Variants in HERC4 observed in about 807,000 individuals in gnomAD.
HERC4 encodes probable E3 ubiquitin-protein ligase HERC4.
HERC4 carries 28 observed loss-of-function variants against 124.3 expected under a neutral mutation model. The observed-to-expected ratio is 0.23, with a 90% CI of 0.17 to 0.31. The LOEUF is 0.31. Ranked by LOEUF, HERC4 falls within the 10% of genes least tolerant of loss-of-function variation. The probability of loss-of-function intolerance (pLI) is 1.00; values close to 1 mark genes in which losing one functional copy is unlikely to be tolerated. For synonymous variants in HERC4, 407 were observed against 421.5 expected (o/e 0.97, Z 0.42); for missense variants, 713 against 1,229.3 (o/e 0.58, Z 6.28).
At chr10:68,032,407 T>C (rs915355765) in intron 7 of HERC4, among the ~76,000 whole-genome samples, 1 of 152,208 alleles carries the variant, frequency 6.6e-6, no homozygotes, top group African/African-American at 2.4e-5. Flanking sequence ...GGAAACTACA[T>C]TCAAATTAGG....
intron 22 of HERC4, among the ~76,000 whole-genome samples, chr10:67,935,062 C>A (rs2032221042): frequency 6.6e-6 from 1 of 151,796 alleles, no homozygotes; most frequent in African/African-American, 2.4e-5. Context: ...GTCCTTCAAC[C>A]TGCATGGTTC....
chr10:68,051,601 C>T (rs1429432931), intron 3 of HERC4, among the ~76,000 whole-genome samples: 2 of 151,708 alleles, frequency 1.3e-5, no homozygotes, highest in African/African-American at 4.8e-5. Flanking sequence ...CCTCGTGATC[C>T]GCCCGCCTCG....
At chr10:68,008,812 T>C (rs1456087036) in intron 9 of HERC4, among the ~76,000 whole-genome samples, 2 of 152,200 alleles carry the variant, frequency 1.3e-5, no homozygotes, top group African/African-American at 4.8e-5. Context: ...AAACAAAATG[T>C]GGTATAAGCA....
chr10:67,980,123 T>A (rs1312704207), intron 15 of HERC4, among the ~76,000 whole-genome samples: 1 of 152,176 alleles, frequency 6.6e-6, no homozygotes, highest in African/African-American at 2.4e-5. Context: ...ATAAATACTT[T>A]TTTTTGAGAT....
chr10:67,946,849 T>A (rs112223359), intron 19 of HERC4, among the ~76,000 whole-genome samples: 3 of 151,946 alleles, frequency 2.0e-5, no homozygotes, highest in African/African-American at 7.3e-5. Context: ...AGATGTTGCA[T>A]TGAGTCAAGA....
intron 3 of HERC4, among the ~76,000 whole-genome samples, chr10:68,048,611 C>A (rs931246487): frequency 6.6e-6 from 1 of 152,096 alleles, no homozygotes; most frequent in Admixed American, 6.5e-5. Flanking sequence ...TGTTAAAATC[C>A]ATTTAATGTG....
intron 3 of HERC4, among the ~76,000 whole-genome samples, chr10:68,051,375 C>T (rs1421137797): frequency 6.4e-5 from 9 of 140,916 alleles, no homozygotes; most frequent in Admixed American, 1.5e-4. Flanking sequence ...GACAGAGTCT[C>T]GCTCTGTCGC....
In HERC4 at chr10:68,034,183, C is replaced by T; in HGVS notation, c.467G>A (p.Ser156Asn). The T allele has an allele frequency of 6.2e-7, 1 of 1,608,910 alleles. No homozygotes were observed. Among genetic ancestry groups the T allele is most frequent in the Non-Finnish European group, 8.5e-7 (1 of 1,176,056 alleles). The change falls in exon 6 of 25, where the codon AGT becomes AAT. Residue 156 changes from serine (S) to asparagine (N), a missense_variant. Physicochemically the swap from Ser to Asn is conservative, Grantham distance 46. Transcript: ENST00000373700. ...YYHSLALSKA[S>N]EVFCWGQNKY... ...ATTCTGTCCCCAACAGAAGACTTCA[C>T]TTGCTGTAAAACAGTAATGGAAAAA... is the stretch of plus-strand genomic sequence containing the variant.
chr10:68,006,435 G>A (rs1377662192), intron 9 of HERC4, among the ~76,000 whole-genome samples: 1 of 150,230 alleles, frequency 6.7e-6, no homozygotes, highest in Non-Finnish European at 1.5e-5. Context: ...GCAATGGTGC[G>A]ATCTCAGCTC....
chr10:68,037,223 T>C (rs957648889), intron 5 of HERC4, among the ~76,000 whole-genome samples: 3 of 151,322 alleles, frequency 2.0e-5, no homozygotes. Flanking sequence ...GCCTCCCGAG[T>C]AGCTGGGACT....
chr10:67,983,971 AG>A (rs2036103552), intron 15 of HERC4, among the ~76,000 whole-genome samples: 1 of 151,972 alleles, frequency 6.6e-6, no homozygotes, highest in African/African-American at 2.4e-5. Flanking sequence ...TCAAAAAAAA[AG>A]AACGAATACA....
At chr10:67,940,909 A>T (rs764683073) in intron 20 of HERC4, 30 bp downstream of exon 20, 1 of 1,592,930 alleles carries the variant, frequency 6.3e-7, no homozygotes, top group Non-Finnish European at 8.5e-7. Flanking sequence ...CCCAAACCCT[A>T]CTACTTTTTG....
At chr10:68,011,405 C>A (rs1320217716) in intron 9 of HERC4, among the ~76,000 whole-genome samples, 1 of 152,176 alleles carries the variant, frequency 6.6e-6, no homozygotes, top group Non-Finnish European at 1.5e-5. Context: ...GTAACTACAG[C>A]CTTACGAAAT....
At chr10:68,031,830 T>G (rs1797606645) in intron 7 of HERC4, among the ~76,000 whole-genome samples, 1 of 152,122 alleles carries the variant, frequency 6.6e-6, no homozygotes, top group Non-Finnish European at 1.5e-5. Flanking sequence ...CTCAACTCAC[T>G]GCAAACTCCG....
chr10:68,057,873 C>A (rs1040525771), intron 3 of HERC4, among the ~76,000 whole-genome samples: 1 of 151,870 alleles, frequency 6.6e-6, no homozygotes, highest in Non-Finnish European at 1.5e-5. Context: ...CTAATTTTTT[C>A]TATTTCTAGT....
intron 3 of HERC4, among the ~76,000 whole-genome samples, chr10:68,056,737 T>G (rs1364527905): frequency 6.7e-6 from 1 of 148,232 alleles, no homozygotes; most frequent in African/African-American, 2.4e-5. Flanking sequence ...CCAGTAATAG[T>G]CCAGAATGAA....
intron 3 of HERC4, among the ~76,000 whole-genome samples, chr10:68,058,092 G>A (rs2040645593): frequency 6.6e-6 from 1 of 151,996 alleles, no homozygotes; most frequent in African/African-American, 2.4e-5. Flanking sequence ...GAAAAAAAAA[G>A]GCATCTTTAA....
intron 9 of HERC4, chr10:67,995,380 G>T (rs1431373213): frequency 8.6e-6 from 3 of 348,094 alleles, no homozygotes; most frequent in Non-Finnish European, 1.1e-5. Context: ...TCTTATAACA[G>T]GAAAGAGAGG....
intron 9 of HERC4, among the ~76,000 whole-genome samples, chr10:68,006,606 G>A (rs1210847490): frequency 6.6e-6 from 1 of 151,966 alleles, no homozygotes; most frequent in Non-Finnish European, 1.5e-5. Flanking sequence ...TCAAACTCCT[G>A]ACCTCAGGTG....
Sources: allele counts gnomAD v4.1 joint callset (sites outside exome capture counted in the v4.1 genomes callset), GRCh38; gene constraint gnomAD v4.1.1; transcripts MANE v1.5; gene names NCBI Gene and HGNC (gene_info 2026-07-23, HGNC 2026-07-21).